MYT1L: variants seen among roughly 807,000 people sequenced by gnomAD.
The protein encoded by MYT1L is myelin transcription factor 1-like protein.
A neutral mutation model predicts 126.7 loss-of-function variants in MYT1L; 12 were observed. The observed-to-expected ratio is 0.09, with a 90% CI of 0.06 to 0.15. The LOEUF is 0.15. Ranked by LOEUF, MYT1L falls within the 10% of genes least tolerant of loss-of-function variation. MYT1L has a pLI of 1.00. For synonymous variants in MYT1L, 541 were observed against 604.2 expected, an observed-to-expected ratio of 0.90 and a Z score of 1.53; for missense variants, 979 against 1,585.2, an observed-to-expected ratio of 0.62 and a Z score of 6.49.
At chr2:1,873,804 C>T (rs1277698967) in intron 18 of MYT1L, among the ~76,000 whole-genome samples, 3 of 152,296 alleles carry the variant, frequency 2.0e-5, no homozygotes, top group Non-Finnish European at 4.4e-5. Flanking sequence ...TAGATCTTGA[C>T]TTCCTGAGAG....
At chr2:2,128,198 G>C (rs2081954008) in intron 3 of MYT1L, among the ~76,000 whole-genome samples, 1 of 152,090 alleles carries the variant, frequency 6.6e-6, no homozygotes, top group African/African-American at 2.4e-5. Flanking sequence ...GCCCAGGCTG[G>C]AGTGCAGTAG....
At chr2:2,045,877 C>T (rs1276408745) in intron 4 of MYT1L, among the ~76,000 whole-genome samples, 1 of 152,146 alleles carries the variant, frequency 6.6e-6, no homozygotes, top group East Asian at 1.9e-4. Flanking sequence ...GGCTCTAACC[C>T]TCCCTCCCTG....
intron 3 of MYT1L, among the ~76,000 whole-genome samples, chr2:2,063,335 T>G (rs965406487): frequency 6.6e-6 from 1 of 152,184 alleles, no homozygotes; most frequent in Non-Finnish European, 1.5e-5. Flanking sequence ...TTACAGGGCT[T>G]GCACGAACAT....
chr2:1,901,154 G>A (rs2050289534), intron 14 of MYT1L, among the ~76,000 whole-genome samples: 1 of 152,178 alleles, frequency 6.6e-6, no homozygotes, highest in African/African-American at 2.4e-5. Context: ...ACCGTGACCT[G>A]GAGACGGCTC....
At chr2:2,194,602 C>T (rs1041504964) in intron 2 of MYT1L, among the ~76,000 whole-genome samples, 4 of 152,116 alleles carry the variant, frequency 2.6e-5, no homozygotes, top group Non-Finnish European at 5.9e-5. Flanking sequence ...TTGTCCTGCT[C>T]CTTTTTTCAG....
Position 1,903,948 on chromosome 2 carries a change from T to TGTGC in MYT1L, c.1818-655_1818-654insGCAC, listed in dbSNP as rs1300209612. Among the ~76,000 whole-genome samples the TGTGC allele has an allele frequency of 6.8e-4, 102 of 151,012 alleles. 1 individual carries two copies. The highest frequency in any genetic ancestry group is 9.0e-4 in the Non-Finnish European group (61 of 67,886). On this transcript the variant is annotated intron_variant, in intron 13 of 24. Transcript: ENST00000647738. ...TGTCGTGTGTGTGTGTGTGTGTGTG[T>TGTGC]GCGCGTGCGCGCGTGTGTGTGTCCA... is the stretch of plus-strand genomic sequence containing the variant.
At position 1,929,080 on chromosome 2, in the gene MYT1L, C is replaced by T. The variant is rs1373282559; in HGVS notation, c.506-5817G>A. ...GGCTACTCCCCTGGCCAGGACCAGG[C>T]GGAGAAGCGTGAGTTCATTTCCCTC... is the stretch of plus-strand genomic sequence containing the variant. On this transcript the variant is annotated intron_variant, in intron 9 of 24. Coordinates refer to ENST00000647738, the MANE Select transcript of MYT1L (RefSeq NM_001303052.2). This position sits in a 1 kb window ranked among gnomAD's most constrained non-coding sequence, Gnocchi z 4.7. 1.3e-5 allele frequency among the ~76,000 whole-genome samples: 2 copies of T among 152,100 alleles called. No homozygotes were observed. Among genetic ancestry groups the T allele is most frequent in the Non-Finnish European group, 2.9e-5 (2 of 68,002 alleles).
At chr2:1,792,625 T>C (rs2032359775) in intron 23 of MYT1L, among the ~76,000 whole-genome samples, 161 bp from the exon 24 acceptor site, 1 of 152,094 alleles carries the variant, frequency 6.6e-6, no homozygotes, top group East Asian at 1.9e-4. Flanking sequence ...ATCCCAGCAT[T>C]TTGGGAGGCC....
chr2:2,084,846 A>G (rs1007739475), intron 3 of MYT1L, among the ~76,000 whole-genome samples: 9 of 152,232 alleles, frequency 5.9e-5, no homozygotes, highest in Non-Finnish European at 1.3e-4. Flanking sequence ...TAGCAAAACA[A>G]TCATCTACAG....
intron 18 of MYT1L, among the ~76,000 whole-genome samples, chr2:1,860,386 G>A (rs1380125132): frequency 6.6e-6 from 1 of 152,008 alleles, no homozygotes; most frequent in African/African-American, 2.4e-5. Context: ...TCTCGCCCTC[G>A]CGTGGAAGAG....
chr2:1,870,765 C>T (rs909454489), intron 18 of MYT1L, among the ~76,000 whole-genome samples: 9 of 152,172 alleles, frequency 5.9e-5, no homozygotes, highest in South Asian at 4.1e-4. Context: ...ACTCCAGTTA[C>T]GGAAGATTGG....
At chr2:2,052,860 A>G (rs2069004727) in intron 4 of MYT1L, among the ~76,000 whole-genome samples, 1 of 152,232 alleles carries the variant, frequency 6.6e-6, no homozygotes, top group South Asian at 2.1e-4. Context: ...TGCAGCCACT[A>G]TTGAAAAGAG....
intron 18 of MYT1L, among the ~76,000 whole-genome samples, chr2:1,861,904 G>C (rs1400796007): frequency 2.2e-4 from 34 of 152,350 alleles, no homozygotes; most frequent in East Asian, 7.7e-4. Context: ...CCTACAGCCT[G>C]TGTAATCCTG....
chr2:1,956,623 C>CTATCTAT lies in MYT1L; in HGVS notation c.153-13290_153-13289insATAGATA, dbSNP rs1558534517. On this transcript the variant is annotated intron_variant, in intron 8 of 24. Coordinates refer to ENST00000647738, the MANE Select transcript of MYT1L (RefSeq NM_001303052.2). Reference sequence around the variant, plus strand: ...ATCTATCTATCTATCTATCTATCTACCTACCTACCTATCTAGCTATCTATT... The same window carrying CTATCTAT: ...ATCTATCTATCTATCTATCTATCTACTATCTATCTACCTACCTATCTAGCTATCTATT... 6.9e-4 allele frequency among the ~76,000 whole-genome samples: 71 copies of CTATCTAT among 103,382 alleles called. 1 individual carries two copies. Among genetic ancestry groups the CTATCTAT allele is most frequent in the African/African-American group, 1.5e-3 (37 of 24,556 alleles). 67.8% of individuals were successfully genotyped at this position (103,382 alleles called of 152,430 possible).
intron 3 of MYT1L, among the ~76,000 whole-genome samples, chr2:2,162,435 C>T (rs952366662): frequency 9.9e-5 from 15 of 152,124 alleles, no homozygotes; most frequent in African/African-American, 3.4e-4. Flanking sequence ...GCTCGTGGTC[C>T]ACAGCAGCTG....
At chr2:2,121,229 C>T (rs761992219) in intron 3 of MYT1L, among the ~76,000 whole-genome samples, 24 of 152,060 alleles carry the variant, frequency 1.6e-4, no homozygotes, top group Non-Finnish European at 2.6e-4. Flanking sequence ...TGGAGTGCAA[C>T]GGCGCGGTCT....
At chr2:2,266,969 A>T (rs1338674531) in intron 2 of MYT1L, among the ~76,000 whole-genome samples, 1 of 152,194 alleles carries the variant, frequency 6.6e-6, no homozygotes, top group Non-Finnish European at 1.5e-5. Context: ...CTTCGTTAGC[A>T]GCATGAGAAC....
intron 2 of MYT1L, among the ~76,000 whole-genome samples, chr2:2,177,468 A>G (rs1466671674): frequency 2.0e-5 from 3 of 152,216 alleles, no homozygotes; most frequent in African/African-American, 7.2e-5. Context: ...TACACAGTGT[A>G]ACCTGTTCAC....
chr2:2,149,343 C>A (rs139236112), intron 3 of MYT1L, among the ~76,000 whole-genome samples: 7 of 152,158 alleles, frequency 4.6e-5, no homozygotes, highest in Admixed American at 2.6e-4. Flanking sequence ...AAGGCAATCC[C>A]AAGGCCAGCT....
Sources: allele counts gnomAD v4.1 joint callset (sites outside exome capture counted in the v4.1 genomes callset), GRCh38; gene constraint gnomAD v4.1.1; non-coding constraint Gnocchi (gnomAD v3.1); transcripts MANE v1.5; gene names NCBI Gene and HGNC (gene_info 2026-07-23, HGNC 2026-07-21).